Variants in WDR33 observed in about 807,000 individuals in gnomAD.
WDR33 encodes the protein pre-mRNA 3' end processing protein WDR33.
Under a neutral mutation model 164.9 loss-of-function variants are expected in WDR33, and 47 were observed. The observed-to-expected ratio is 0.29, with a 90% confidence interval of 0.23 to 0.36. The LOEUF (loss-of-function observed/expected upper bound fraction) is 0.36. WDR33 is among the 10% of genes least tolerant of loss of function. The pLI is 1.00. For missense variants in WDR33, 1,137 were observed against 1,754.1 expected (o/e 0.65, Z 6.28); for synonymous variants, 505 against 589.0 (o/e 0.86, Z 2.06).
rs1685897149 is a variant in WDR33, at chr2:127,701,911, G to C, written c.*4412C>G. 1 of 1,449,038 alleles carries C rather than the reference G, an allele frequency of 6.9e-7. No individual in the cohort carries two copies. Among genetic ancestry groups the C allele is most frequent in the East Asian group, 3.1e-5 (1 of 32,310 alleles). The allele number at this position is 1,449,038 out of a possible 1,614,324, so 89.8% of individuals were successfully genotyped here. On this transcript the variant is annotated 3_prime_UTR_variant, in exon 22 of 22. Coordinates refer to ENST00000322313, the MANE Select transcript of WDR33 (RefSeq NM_018383.5). ...TTGGCGGGAAGCGCGCTGCTGCGGG[G>C]CGGCGCGGCGTGCGGACGCCTGCTG...
chr2:127,765,351 G>C, intron 4 of WDR33, 82 bp from the exon 5 acceptor site: 2 of 952,608 alleles, frequency 2.1e-6, no homozygotes, highest in Non-Finnish European at 3.2e-6. Context: ...TGTAAAACAT[G>C]CAATAACTGA....
rs899197713 is a variant in WDR33 at position 127,703,857 on chromosome 2, C to G, written c.*2466G>C. The stretch of plus-strand genomic sequence containing the variant: ...AACATTTCTCAGCTGGTGGCTCACA[C>G]CTGTAATCCCAGCATTTTGGGAGGC... On this transcript the variant is annotated 3_prime_UTR_variant, in exon 22 of 22. Transcript: ENST00000322313. The G allele has an allele frequency of 6.0e-6, 1 of 166,644 alleles. No individual in the cohort carries two copies. 10.3% of individuals were successfully genotyped at this position (166,644 alleles called of 1,614,324 possible). A position where few individuals can be genotyped will look rare whatever the true frequency, so the allele number is the denominator to read the frequency against.
intron 7 of WDR33, among the ~76,000 whole-genome samples, chr2:127,727,622 CT>C (rs1306894442): frequency 6.6e-6 from 1 of 152,096 alleles, no homozygotes; most frequent in East Asian, 1.9e-4. Context: ...CATTAGCTCA[CT>C]TCACAAGTGT....
At chr2:127,711,011 A>G (rs1165096171) in intron 18 of WDR33, among the ~76,000 whole-genome samples, 1 of 152,186 alleles carries the variant, frequency 6.6e-6, no homozygotes, top group Non-Finnish European at 1.5e-5. Context: ...TTACCCCTAA[A>G]TCCTTCAGTC....
In WDR33 at chr2:127,725,170, A is replaced by C; in HGVS notation, c.897T>G (p.Asn299Lys). 1 of 1,613,212 alleles carries C rather than the reference A, an allele frequency of 6.2e-7. No individual in the cohort carries two copies. The highest frequency in any genetic ancestry group is 8.5e-7 in the Non-Finnish European group (1 of 1,179,838). The change falls in exon 9 of 22, where the codon AAT becomes AAG. Residue 299 changes from asparagine to lysine, a missense_variant. Transcript: ENST00000322313. ...NTVMEVKLNL[N>K]GNWLLTASRD... ...GTGATGCTGTGAGTAGCCAATTGCC[A>C]TTGAGGTTTAATTTCACTTCCATTA...
Position 127,768,914 on chromosome 2 carries a change from T to G in WDR33, c.273+19A>C, listed in dbSNP as rs1687905614. On this transcript the variant is annotated intron_variant, in intron 3 of 21. Coordinates refer to ENST00000322313, the MANE Select transcript of WDR33 (RefSeq NM_018383.5). Reference sequence around the variant, plus strand: ...CAAGGAAGTGTTTATTAAGCTAGTATGACACATCATGTACTTACATCATTG... The same window carrying G: ...CAAGGAAGTGTTTATTAAGCTAGTAGGACACATCATGTACTTACATCATTG... 6.3e-7 allele frequency: 1 copy of G among 1,582,276 alleles called. No homozygotes were observed. The highest frequency in any genetic ancestry group is 8.6e-7 in the Non-Finnish European group (1 of 1,159,488).
Position 127,721,050 on chromosome 2 carries a change from T to C in WDR33, c.1672-697A>G, listed in dbSNP as rs980420798. Among the ~76,000 whole-genome samples, 3 of 152,234 alleles carry C rather than the reference T, an allele frequency of 2.0e-5. No individual in the cohort carries two copies. Among genetic ancestry groups the C allele is most frequent in the Non-Finnish European group, 2.9e-5 (2 of 68,042 alleles). On this transcript the variant is annotated intron_variant, in intron 15 of 21. Transcript: ENST00000322313. This position sits in a 1 kb window ranked among gnomAD's most constrained non-coding sequence, Gnocchi z 4.9. Reference sequence around the variant, plus strand: ...AACTATGTTGGCTTTATCTTTTCTATTAAAAATGTATATTTAACTTAGATC... The same window carrying C: ...AACTATGTTGGCTTTATCTTTTCTACTAAAAATGTATATTTAACTTAGATC...
At chr2:127,748,367 T>A (rs1687225048) in intron 7 of WDR33, among the ~76,000 whole-genome samples, 1 of 152,236 alleles carries the variant, frequency 6.6e-6, no homozygotes, top group Admixed American at 6.5e-5. Context: ...TTCACACTTG[T>A]AAATACTAAC....
chr2:127,778,271 T>C lies in WDR33; in HGVS notation c.-23-7267A>G, dbSNP rs372798316. ...GGCCAACATGGCAAAACCCCATCTC[T>C]ACTAAAAATACAAAAATTAGCTGGG... On this transcript the variant is annotated intron_variant, in intron 1 of 21. Coordinates refer to ENST00000322313, the MANE Select transcript of WDR33 (RefSeq NM_018383.5). 1.4e-3 allele frequency among the ~76,000 whole-genome samples: 208 copies of C among 151,796 alleles called. 4 individuals are homozygous for C. The highest frequency in any genetic ancestry group is 4.8e-3 in the African/African-American group (199 of 41,404).
intron 18 of WDR33, among the ~76,000 whole-genome samples, chr2:127,711,780 A>ATATATATATATATATTTTTTTTTTTTT: frequency 1.1e-5 from 1 of 88,318 alleles, no homozygotes; most frequent in Admixed American, 1.2e-4. Context: ...ATATATATAT[A>ATATATATATATATATTTTTTTTTTTTT]TTTTTTTTTT....
rs1406371075 is a variant in WDR33, at chr2:127,705,180, T to A, written c.*1143A>T. On this transcript the variant is annotated 3_prime_UTR_variant, in exon 22 of 22. Transcript: ENST00000322313. This position sits in a 1 kb window ranked among gnomAD's most constrained non-coding sequence, Gnocchi z 4.5. ...ATGTAATGAAATGTTAAGGTGGCCA[T>A]AGGACAGTCCTTTTAATAAAAGCTT... The A allele has an allele frequency of 6.0e-6, 1 of 167,124 alleles. No individual in the cohort carries two copies. Among genetic ancestry groups the A allele is most frequent in the South Asian group, 2.1e-4 (1 of 4,830 alleles). The allele number at this position is 167,124 out of a possible 1,614,324, so 10.4% of individuals were successfully genotyped here. A position where few individuals can be genotyped will look rare whatever the true frequency, so the allele number is the denominator to read the frequency against.
At chr2:127,809,798 C>G (rs990210279) in intron 1 of WDR33, among the ~76,000 whole-genome samples, 1 of 152,020 alleles carries the variant, frequency 6.6e-6, no homozygotes, top group Admixed American at 6.6e-5. Context: ...AAAATTTCTC[C>G]CCAAGTTTCA....
In WDR33 at chr2:127,783,599, C is replaced by CTTTTTTTTTTT. The variant is rs35345585; in HGVS notation, c.-23-12606_-23-12596dup. 2.7e-3 allele frequency among the ~76,000 whole-genome samples: 228 copies of CTTTTTTTTTTT among 84,388 alleles called. 20 individuals are homozygous for CTTTTTTTTTTT. Among genetic ancestry groups the CTTTTTTTTTTT allele is most frequent in the African/African-American group, 0.011 (216 of 20,208 alleles). The allele number at this position is 84,388 out of a possible 152,430, so 55.4% of individuals were successfully genotyped here. Reference sequence around the variant, plus strand: ...CTTCAGCTATTTTATTTCAGGACTCCTTTTTTTTTTTTTTTTTTTTTTTTT... The same window carrying CTTTTTTTTTTT: ...CTTCAGCTATTTTATTTCAGGACTCCTTTTTTTTTTTTTTTTTTTTTTTTTTTTTTTTTTTT... On this transcript the variant is annotated intron_variant, in intron 1 of 21. Coordinates refer to ENST00000322313, the MANE Select transcript of WDR33 (RefSeq NM_018383.5).
At chr2:127,740,370 C>CAG (rs953395790) in intron 7 of WDR33, among the ~76,000 whole-genome samples, 1 of 151,426 alleles carries the variant, frequency 6.6e-6, no homozygotes, top group Non-Finnish European at 1.5e-5. Flanking sequence ...CACACACACA[C>CAG]ACGGATTTGT....
Position 127,701,893 on chromosome 2 carries a change from G to A in WDR33, c.*4430C>T, listed in dbSNP as rs1260377921. ...CTGGGCTCGGCGCTGGCGTTGGCGG[G>A]AAGCGCGCTGCTGCGGGGCGGCGCG... On this transcript the variant is annotated 3_prime_UTR_variant, in exon 22 of 22. Transcript: ENST00000322313. The A allele has an allele frequency of 6.9e-7, 1 of 1,456,236 alleles. No homozygotes were observed. Among genetic ancestry groups the A allele is most frequent in the Non-Finnish European group, 9.0e-7 (1 of 1,110,258 alleles). The allele number at this position is 1,456,236 out of a possible 1,614,324, so 90.2% of individuals were successfully genotyped here.
At chr2:127,739,789 A>C (rs1686960631) in intron 7 of WDR33, among the ~76,000 whole-genome samples, 1 of 152,248 alleles carries the variant, frequency 6.6e-6, no homozygotes, top group South Asian at 2.1e-4. Flanking sequence ...TTATCCAGCA[A>C]GAGCTGTTAC....
chr2:127,743,091 T>G (rs189632712), intron 7 of WDR33, among the ~76,000 whole-genome samples: 1 of 152,180 alleles, frequency 6.6e-6, no homozygotes, highest in Admixed American at 6.5e-5. Flanking sequence ...CCAGACTCAA[T>G]AATTTTGATT....
At position 127,720,356 on chromosome 2, in the gene WDR33, G is replaced by GGAAA. The variant is rs745451290; in HGVS notation, c.1672-7_1672-4dup. 4 of 1,499,816 alleles carry GGAAA rather than the reference G, an allele frequency of 2.7e-6. No homozygotes were observed. The highest frequency in any genetic ancestry group is 4.7e-5 in the Admixed American group (2 of 42,910). 92.9% of individuals were successfully genotyped at this position (1,499,816 alleles called of 1,614,324 possible). A position where few individuals can be genotyped will look rare whatever the true frequency, so the allele number is the denominator to read the frequency against. ...GCAAGTCTTTCAATTTTAAGTTGCT[G>GGAAA]GAAAGAAAGAAAGAAAAAAGCATGT... On this transcript the variant is annotated splice_region_variant and splice_polypyrimidine_tract_variant and intron_variant, in intron 15 of 21. Transcript: ENST00000322313. The surrounding 1 kb of genome is among the most constrained non-coding windows in gnomAD (Gnocchi z 5.9).
chr2:127,790,861 TG>T (rs1688819292), intron 1 of WDR33, among the ~76,000 whole-genome samples: 1 of 152,190 alleles, frequency 6.6e-6, no homozygotes, highest in South Asian at 2.1e-4. Context: ...TTGAAGGAGT[TG>T]ATCAATTTCT....
Sources: gnomAD v4.1 joint callset for allele counts (sites outside exome capture counted in the v4.1 genomes callset) on GRCh38, gnomAD v4.1.1 for gene constraint, Gnocchi (gnomAD v3.1) non-coding constraint, MANE v1.5 for transcripts, NCBI Gene and HGNC (gene_info 2026-07-23, HGNC 2026-07-21) for gene names.